The following SVOP variants were observed in gnomAD, a reference collection of about 807,000 sequenced individuals.
SVOP encodes synaptic vesicle 2-related protein.
A neutral mutation model predicts 69.1 loss-of-function variants in SVOP; 17 were observed. The observed-to-expected ratio is 0.25, with a 90% confidence interval of 0.17 to 0.37. The LOEUF (loss-of-function observed/expected upper bound fraction) is 0.37. Ranked by LOEUF, SVOP falls within the 10% of genes least tolerant of loss-of-function variation. SVOP has a pLI of 1.00. For synonymous variants in SVOP, 238 were observed against 238.6 expected (o/e 1.00, Z 0.02); for missense variants, 435 against 597.5 (o/e 0.73, Z 2.84).
chr12:108,918,950 A>G (rs1449624456), intron 13 of SVOP, among the ~76,000 whole-genome samples: 1 of 152,046 alleles, frequency 6.6e-6, no homozygotes, highest in Non-Finnish European at 1.5e-5. Context: ...CCTAATGAAC[A>G]CCTACACCTT....
At chr12:109,005,900 T>G (rs754992542) in intron 1 of SVOP, among the ~76,000 whole-genome samples, 11 of 152,124 alleles carry the variant, frequency 7.2e-5, no homozygotes, top group Admixed American at 3.3e-4. Context: ...CAGTGAGGAT[T>G]TTCTGTGTTG....
intron 6 of SVOP, among the ~76,000 whole-genome samples, chr12:108,956,718 G>A (rs1259600524): frequency 1.3e-5 from 2 of 152,166 alleles, no homozygotes; most frequent in African/African-American, 2.4e-5. Context: ...CACTGACAAA[G>A]GATCCATCAT....
At chr12:108,968,019 G>C (rs956457521) in intron 5 of SVOP, among the ~76,000 whole-genome samples, 4 of 152,290 alleles carry the variant, frequency 2.6e-5, no homozygotes, top group African/African-American at 7.2e-5. Flanking sequence ...ACTCTTCCAA[G>C]GGAAGTTGGG....
chr12:108,920,167 C>A (rs1411787071), intron 12 of SVOP, among the ~76,000 whole-genome samples: 1 of 152,194 alleles, frequency 6.6e-6, no homozygotes, highest in Non-Finnish European at 1.5e-5. Context: ...GATCCTGCCC[C>A]AGCTGAGCTT....
At position 108,912,362 on chromosome 12, in the gene SVOP, G is replaced by C; in HGVS notation, c.*173C>G. On this transcript the variant is annotated 3_prime_UTR_variant, in exon 16 of 16. Coordinates refer to ENST00000610966, the MANE Select transcript of SVOP (RefSeq NM_018711.5). ...TAGAGCAAACATCTCCCCATCCCTG[G>C]GTGGACCTCAATGAAGATGAGCAAA... 6.8e-7 allele frequency: 1 copy of C among 1,472,042 alleles called. No homozygotes were observed. Among genetic ancestry groups the C allele is most frequent in the Non-Finnish European group, 8.9e-7 (1 of 1,117,860 alleles). 91.2% of individuals were successfully genotyped at this position (1,472,042 alleles called of 1,614,324 possible).
At chr12:108,926,577 T>C (rs1378948701) in intron 11 of SVOP, 2 of 152,262 alleles carry the variant, frequency 1.3e-5, no homozygotes, top group African/African-American at 2.4e-5. Flanking sequence ...AAATGTCTTG[T>C]AGTTGTACCT....
chr12:108,981,477 A>G (rs2040134952), intron 2 of SVOP, among the ~76,000 whole-genome samples: 1 of 152,208 alleles, frequency 6.6e-6, no homozygotes, highest in Non-Finnish European at 1.5e-5. Context: ...GTTTTCATCC[A>G]TCAGCAACAA....
At chr12:108,984,946 G>T (rs910507384) in intron 1 of SVOP, among the ~76,000 whole-genome samples, 3 of 152,210 alleles carry the variant, frequency 2.0e-5, no homozygotes, top group African/African-American at 7.2e-5. Flanking sequence ...AGTTTGGGGT[G>T]CTGGGTACAG....
rs140203319 is a variant in SVOP, at chr12:108,952,900, T to A, written c.579-7734A>T. Among the ~76,000 whole-genome samples, 376 of 152,182 alleles carry A rather than the reference T, an allele frequency of 2.5e-3. 2 individuals are homozygous for A. The highest frequency in any genetic ancestry group is 8.9e-3 in the African/African-American group (369 of 41,542). On this transcript the variant is annotated intron_variant, in intron 6 of 15. Transcript: ENST00000610966. ...ACTATCTGACCTCCAGCAAGTCCCT[T>A]GTGAGTTCTAAGCCTCAGTTTTCAC... is the stretch of plus-strand genomic sequence containing the variant.
intron 1 of SVOP, among the ~76,000 whole-genome samples, chr12:108,984,683 G>C (rs935065433): frequency 2.0e-5 from 3 of 152,108 alleles, no homozygotes; most frequent in Middle Eastern, 3.2e-3. Flanking sequence ...TTGTTCCTCT[G>C]CAAGAAGCTT....
rs2040239814 is a variant in SVOP at position 108,997,266 on chromosome 12, G to GGCGCACCACGAGATTATATT, written c.36-13525_36-13506dup. 2.6e-5 allele frequency among the ~76,000 whole-genome samples: 4 copies of GGCGCACCACGAGATTATATT among 152,174 alleles called. No homozygotes were observed. In the South Asian group the frequency reaches 8.3e-4, roughly 32 times the overall value. ...CGCTTTTCAGACCGGCTTAAAAAACGGCGCACCACGAGATTATATTCCGCA... is the reference window on the plus strand; with the variant it reads ...CGCTTTTCAGACCGGCTTAAAAAACGGCGCACCACGAGATTATATTGCGCACCACGAGATTATATTCCGCA... On this transcript the variant is annotated intron_variant, in intron 1 of 15. Transcript: ENST00000610966.
chr12:108,937,222 G>C (rs1201822058), intron 10 of SVOP, 42 bp downstream of exon 10: 3 of 1,601,060 alleles, frequency 1.9e-6, no homozygotes, highest in African/African-American at 2.7e-5. Context: ...ACAGGGCACA[G>C]GGAGTGGAAA....
In SVOP at chr12:108,912,908, C is replaced by A. The variant is rs541289563; in HGVS notation, c.1441-167G>T. ...TTTGTCCCTCTCTCTCCTTGTGACA[C>A]GCCTGCCCCTCCTTTGCCTTCCTCC... On this transcript the variant is annotated intron_variant, in intron 15 of 15. Transcript: ENST00000610966. 5.3e-5 allele frequency among the ~76,000 whole-genome samples: 8 copies of A among 152,150 alleles called. No individual in the cohort carries two copies. In the East Asian group the frequency reaches 9.7e-4, roughly 18 times the overall value.
chr12:108,986,432 G>A (rs1214191792), intron 1 of SVOP, among the ~76,000 whole-genome samples: 1 of 152,122 alleles, frequency 6.6e-6, no homozygotes, highest in African/African-American at 2.4e-5. Flanking sequence ...TTTATTTTGA[G>A]ATATTTCAAG....
chr12:108,955,582 T>A (rs1349216012), intron 6 of SVOP, among the ~76,000 whole-genome samples: 1 of 152,204 alleles, frequency 6.6e-6, no homozygotes, highest in Non-Finnish European at 1.5e-5. Context: ...CCACTCACCA[T>A]CCTTCCAGCC....
At chr12:108,970,454 C>G (rs961554576) in intron 5 of SVOP, among the ~76,000 whole-genome samples, 1 of 152,122 alleles carries the variant, frequency 6.6e-6, no homozygotes, top group East Asian at 1.9e-4. Flanking sequence ...CTATACAACG[C>G]GCTATTTTAT....
chr12:108,976,576 C>T (rs1339758857), intron 4 of SVOP, among the ~76,000 whole-genome samples: 1 of 150,556 alleles, frequency 6.6e-6, no homozygotes, highest in African/African-American at 2.4e-5. Context: ...CATTATTATC[C>T]TCTTATCCAG....
chr12:108,924,064 A>G (rs867051009), intron 11 of SVOP, among the ~76,000 whole-genome samples: 7 of 152,244 alleles, frequency 4.6e-5, no homozygotes, highest in Middle Eastern at 3.4e-3. Context: ...CATGAATGGG[A>G]TTAGTGTCTT....
rs143454180 is a variant in SVOP, at chr12:108,934,198, C to T, written c.1045G>A (p.Gly349Ser). Reference sequence around the variant, plus strand: ...CAAAGACAACCAAGATACTCACTGCCGCAGACATCTCCTGCCTGGAAGAGT... The same window carrying T: ...CAAAGACAACCAAGATACTCACTGCTGCAGACATCTCCTGCCTGGAAGAGT... ...TELFQAGDVC[G>S]ISSRKKAVEA... The change falls in exon 11 of 16, where the codon GGC (glycine) becomes AGC (serine). Residue 349 changes from glycine (G) to serine (S), a missense_variant. Coordinates refer to ENST00000610966, the MANE Select transcript of SVOP (RefSeq NM_018711.5). 1.0e-3 allele frequency: 1,666 copies of T among 1,600,878 alleles called. 16 individuals carry two copies. Among genetic ancestry groups the T allele is most frequent in the African/African-American group, 3.0e-3 (223 of 74,846 alleles).
Sources: allele counts gnomAD v4.1 joint callset (sites outside exome capture counted in the v4.1 genomes callset), GRCh38; gene constraint gnomAD v4.1.1; transcripts MANE v1.5; gene names NCBI Gene and HGNC (gene_info 2026-07-23, HGNC 2026-07-21).